TTC27: variants seen among roughly 807,000 people sequenced by gnomAD.
TTC27 encodes tetratricopeptide repeat domain 27, also known as tetratricopeptide repeat protein 27.
Under a neutral mutation model 115.9 loss-of-function variants are expected in TTC27, and 79 were observed. The observed-to-expected ratio is 0.68, with a 90% CI of 0.57 to 0.82. The LOEUF is 0.82. Among genes scored for constraint, TTC27 ranks in the 40% least tolerant of loss-of-function variants. The pLI, the probability that TTC27 is intolerant of heterozygous loss-of-function variation, is 0.00. For synonymous variants in TTC27, 401 were observed against 356.0 expected (o/e 1.13, Z -1.42); for missense variants, 1,054 against 993.1 (o/e 1.06, Z -0.82).
chr2:32,716,998 T>C (rs1456999516), intron 10 of TTC27, among the ~76,000 whole-genome samples: 1 of 115,908 alleles, frequency 8.6e-6, no homozygotes, highest in Non-Finnish European at 1.7e-5. Context: ...CTGGCTCAGA[T>C]TTTTTTTTAA....
intron 16 of TTC27, among the ~76,000 whole-genome samples, chr2:32,808,919 A>C (rs899878774): frequency 6.6e-6 from 1 of 152,204 alleles, no homozygotes; most frequent in Admixed American, 6.5e-5. Context: ...ACACATTCAG[A>C]CTGTTTCTTC....
At chr2:32,690,251 C>G (rs1666766296) in intron 9 of TTC27, among the ~76,000 whole-genome samples, 1 of 152,050 alleles carries the variant, frequency 6.6e-6, no homozygotes, top group Non-Finnish European at 1.5e-5. Context: ...TCTTTGCTGC[C>G]TATATGAAAA....
At position 32,628,348 on chromosome 2, in the gene TTC27, A is replaced by G; in HGVS notation, c.56A>G (p.Gln19Arg). The G allele has an allele frequency of 1.2e-6, 2 of 1,607,656 alleles. No individual in the cohort carries two copies. The highest frequency in any genetic ancestry group is 1.7e-6 in the Non-Finnish European group (2 of 1,178,052). ...GGATTCCCCACTGAGGCTGAGCGGC[A>G]GCAATGGAAACAGGAGGGGGTCGTC... ...LRGFPTEAER[Q>R]QWKQEGVVGS... Residue 19 changes from glutamine to arginine, a missense_variant, in exon 1 of 20, where the codon CAG becomes CGG. Coordinates refer to ENST00000317907, the MANE Select transcript of TTC27 (RefSeq NM_017735.5).
chr2:32,813,963 T>C (rs1418185755), intron 18 of TTC27, among the ~76,000 whole-genome samples: 1 of 152,192 alleles, frequency 6.6e-6, no homozygotes, highest in Non-Finnish European at 1.5e-5. Context: ...ACTGACCTCA[T>C]GATGGGTGGG....
chr2:32,678,253 C>CA (rs10710939), intron 8 of TTC27, among the ~76,000 whole-genome samples: 1,723 of 99,042 alleles, frequency 0.017, 34 homozygotes, highest in African/African-American at 0.06. Context: ...AGCCCTGTCT[C>CA]AAAAAAAAAA....
In TTC27 at chr2:32,821,010, G is replaced by C. The variant is rs1029149987; in HGVS notation, c.*72G>C. ...AAAGATACATCTGTATATCTGAAAT[G>C]CAAGATATTGATTTTTAAAATAAAT... On this transcript the variant is annotated 3_prime_UTR_variant, in exon 20 of 20. Transcript: ENST00000317907. 1.6e-6 allele frequency: 2 copies of C among 1,288,726 alleles called. No individual in the cohort carries two copies. The highest frequency in any genetic ancestry group is 3.0e-5 in the African/African-American group (2 of 65,686). 79.8% of individuals were successfully genotyped at this position (1,288,726 alleles called of 1,614,324 possible).
At chr2:32,764,396 A>G (rs997488293) in intron 13 of TTC27, among the ~76,000 whole-genome samples, 1 of 152,230 alleles carries the variant, frequency 6.6e-6, no homozygotes, top group East Asian at 1.9e-4. Context: ...TTATGTCTAA[A>G]AAAAAACAAA....
At chr2:32,808,343 CGTT>C (rs1298479841) in intron 16 of TTC27, among the ~76,000 whole-genome samples, 2 of 152,180 alleles carry the variant, frequency 1.3e-5, no homozygotes, top group African/African-American at 2.4e-5. Context: ...CAATGACTCT[CGTT>C]ATCTATTCCT....
At chr2:32,731,471 G>A (rs1445010370) in intron 10 of TTC27, among the ~76,000 whole-genome samples, 3 of 152,134 alleles carry the variant, frequency 2.0e-5, no homozygotes, top group Non-Finnish European at 4.4e-5. Context: ...ACCTCCTTGG[G>A]CTCAAGTGAT....
chr2:32,630,415 A>G (rs1415752470), intron 1 of TTC27, 108 bp from the exon 2 acceptor site: 3 of 779,424 alleles, frequency 3.8e-6, no homozygotes, highest in East Asian at 5.2e-5. Flanking sequence ...TTCTAAGTCT[A>G]TAGATTGTTT....
At chr2:32,657,303 CTTT>C (rs1665361656) in intron 5 of TTC27, among the ~76,000 whole-genome samples, 2 of 150,910 alleles carry the variant, frequency 1.3e-5, no homozygotes, top group South Asian at 4.2e-4. Context: ...GACTTACTCT[CTTT>C]GAGTCCAGAG....
chr2:32,766,874 C>G (rs1227998660), intron 13 of TTC27, among the ~76,000 whole-genome samples: 1 of 152,162 alleles, frequency 6.6e-6, no homozygotes, highest in Non-Finnish European at 1.5e-5. Flanking sequence ...GAACCTTCAT[C>G]TCCCGGGTTC....
chr2:32,656,985 CTTTTT>C (rs11386617), intron 5 of TTC27, among the ~76,000 whole-genome samples: 2 of 131,452 alleles, frequency 1.5e-5, no homozygotes, highest in Non-Finnish European at 3.2e-5. Flanking sequence ...TAGCACAATT[CTTTTT>C]TTTTTTTTTT....
chr2:32,692,928 A>C (rs1666864664), intron 9 of TTC27, among the ~76,000 whole-genome samples: 1 of 151,780 alleles, frequency 6.6e-6, no homozygotes, highest in Non-Finnish European at 1.5e-5. Context: ...ATGGGCTGAG[A>C]TCGCACTACT....
At chr2:32,632,385 A>G (rs1247059732) in intron 2 of TTC27, among the ~76,000 whole-genome samples, 1 of 151,970 alleles carries the variant, frequency 6.6e-6, no homozygotes, top group Non-Finnish European at 1.5e-5. Context: ...CAACACATTC[A>G]CACAAATGCA....
chr2:32,682,852 T>TTG (rs1666487197), intron 9 of TTC27, among the ~76,000 whole-genome samples: 1 of 110,208 alleles, frequency 9.1e-6, no homozygotes, highest in Non-Finnish European at 1.9e-5. Flanking sequence ...TTGTTGTTTT[T>TTG]TTTTTTTTTT....
At chr2:32,767,897 A>G (rs1267531828) in intron 13 of TTC27, among the ~76,000 whole-genome samples, 1 of 152,240 alleles carries the variant, frequency 6.6e-6, no homozygotes, top group East Asian at 1.9e-4. Context: ...CCTAGAAAAG[A>G]GTCAATAAAA....
chr2:32,643,584 G>A (rs1403292022), intron 4 of TTC27, among the ~76,000 whole-genome samples: 1 of 152,000 alleles, frequency 6.6e-6, no homozygotes, highest in African/African-American at 2.4e-5. Flanking sequence ...TAGGATTACA[G>A]GCGTGAGCCA....
chr2:32,683,673 A>T (rs542576225), intron 9 of TTC27, among the ~76,000 whole-genome samples: 136 of 152,340 alleles, frequency 8.9e-4, no homozygotes, highest in African/African-American at 2.9e-3. Context: ...GAGTAAAAAT[A>T]ACCCATATTG....
Sources: allele counts gnomAD v4.1 joint callset (sites outside exome capture counted in the v4.1 genomes callset), GRCh38; gene constraint gnomAD v4.1.1; transcripts MANE v1.5; gene names NCBI Gene and HGNC (gene_info 2026-07-23, HGNC 2026-07-21).